The following MOCS3 variants were observed in gnomAD, a reference collection of about 807,000 sequenced individuals.
The protein encoded by MOCS3 is molybdenum cofactor synthesis 3, also known as adenylyltransferase and sulfurtransferase MOCS3.
In MOCS3, 9 loss-of-function variants were observed where a neutral mutation model predicts 8.4. The ratio of observed to expected loss-of-function variants is 1.07; its 90% confidence interval spans 0.65 to 1.87. The LOEUF (loss-of-function observed/expected upper bound fraction) is 1.87. MOCS3 is among the 40% of genes most tolerant of loss of function. The probability of loss-of-function intolerance (pLI) is 0.00; values close to 1 mark genes in which losing one functional copy is unlikely to be tolerated. For missense variants in MOCS3, 581 were observed against 599.7 expected (o/e 0.97, Z 0.33); for synonymous variants, 294 against 272.0 (o/e 1.08, Z -0.80).
rs1339488430 is a variant in MOCS3 at position 50,962,764 on chromosome 20, G to A, written c.*2539G>A. On this transcript the variant is annotated 3_prime_UTR_variant, in exon 1 of 1. Coordinates refer to ENST00000244051, the MANE Select transcript of MOCS3 (RefSeq NM_014484.5). ...GGGGTTTCGCCATGTTGGCCTGGCTGGTCTTGAACTCCTGACCTCAGGTGA... is the reference window on the plus strand; with the variant it reads ...GGGGTTTCGCCATGTTGGCCTGGCTAGTCTTGAACTCCTGACCTCAGGTGA... 1 of 152,196 alleles carries A rather than the reference G, an allele frequency of 6.6e-6. No homozygotes were observed. Among genetic ancestry groups the A allele is most frequent in the Non-Finnish European group, 1.5e-5 (1 of 68,076 alleles). The allele number at this position is 152,196 out of a possible 1,614,324, so 9.4% of individuals were successfully genotyped here.
Position 50,961,373 on chromosome 20 carries a change from TACA to T in MOCS3, c.*1155_*1157del, listed in dbSNP as rs1177651898. 2 of 159,246 alleles carry T rather than the reference TACA, an allele frequency of 1.3e-5. No homozygotes were observed. The highest frequency in any genetic ancestry group is 3.9e-4 in the East Asian group (2 of 5,190). The allele number at this position is 159,246 out of a possible 1,614,324, so 9.9% of individuals were successfully genotyped here. A position where few individuals can be genotyped will look rare whatever the true frequency, so the allele number is the denominator to read the frequency against. On this transcript the variant is annotated 3_prime_UTR_variant, in exon 1 of 1. Transcript: ENST00000244051. Reference sequence around the variant, plus strand: ...GGTAGTCTCACCAACTTCCAATATATACAACAACATTATAAGTAAAAATTTGAT... The same window carrying T: ...GGTAGTCTCACCAACTTCCAATATATACAACATTATAAGTAAAAATTTGAT...
At position 50,958,839 on chromosome 20, in the gene MOCS3, C is replaced by G. The variant is rs562575087; in HGVS notation, c.-4C>G. On this transcript the variant is annotated 5_prime_UTR_variant, in exon 1 of 1. Coordinates refer to ENST00000244051, the MANE Select transcript of MOCS3 (RefSeq NM_014484.5). ...TTTCACGACAACTTCCGGAAGAGGT[C>G]GCCATGGCTTCCCGGGAGGAGGTAC... The G allele has an allele frequency of 1.9e-6, 3 of 1,582,728 alleles. No homozygotes were observed. The highest frequency in any genetic ancestry group is 8.6e-7 in the Non-Finnish European group (1 of 1,159,320).
rs529517115 is a variant in MOCS3 at position 50,959,381 on chromosome 20, C to G, written c.539C>G (p.Ser180Trp). The change falls in exon 1 of 1, where the codon TCG (serine) becomes TGG (tryptophan). Residue 180 changes from serine to tryptophan, a missense_variant. Physicochemically the swap from Ser to Trp is radical, Grantham distance 177 (BLOSUM62 -3). Coordinates refer to ENST00000244051, the MANE Select transcript of MOCS3 (RefSeq NM_014484.5). ...CGATATGATGTGGTGGCTGACTGCT[C>G]GGACAACGTGCCCACTCGCTACCTG... ...VRRYDVVADC[S>W]DNVPTRYLVN... 1 of 1,612,686 alleles carries G rather than the reference C, an allele frequency of 6.2e-7. No individual in the cohort carries two copies. The highest frequency in any genetic ancestry group is 8.5e-7 in the Non-Finnish European group (1 of 1,179,262).
rs1987066779 is a variant in MOCS3, at chr20:50,960,102, A to G, written c.1260A>G (p.Lys420=). 1 of 1,614,248 alleles carries G rather than the reference A, an allele frequency of 6.2e-7. No homozygotes were observed. The highest frequency in any genetic ancestry group is 2.2e-5 in the East Asian group (1 of 44,890). ...GCAAACTGGGAAATGACTCACAGAAAGCCGTGAAGATCCTCCAGTCCTTAT... is the reference window on the plus strand; with the variant it reads ...GCAAACTGGGAAATGACTCACAGAAGGCCGTGAAGATCCTCCAGTCCTTAT... The part of the protein sequence containing the change: ...VICKLGNDSQ[K]AVKILQSLSA... Residue 420 remains lysine (K), a synonymous_variant, in exon 1 of 1, where the codon AAA becomes AAG. Coordinates refer to ENST00000244051, the MANE Select transcript of MOCS3 (RefSeq NM_014484.5).
rs1309266495 is a variant in MOCS3, at chr20:50,959,724, G to T, written c.882G>T (p.Arg294Ser). 6 of 1,614,136 alleles carry T rather than the reference G, an allele frequency of 3.7e-6. No individual in the cohort carries two copies. The African/African-American group carries it at 8.0e-5, about 22-fold the overall frequency. ...GCTCTATTCGGCTGCGGAGCCGCAG[G>T]CTCGACTGTGCAGCTTGCGGGGAAC... ...HFRSIRLRSR[R>S]LDCAACGERP... The change falls in exon 1 of 1, where the codon AGG becomes AGT. Residue 294 changes from arginine to serine, a missense_variant. By Grantham distance (110) the Arg-to-Ser change is moderately radical (BLOSUM62 -1). Transcript: ENST00000244051.
rs760778852 is a variant in MOCS3, at chr20:50,959,504, C to T, written c.662C>T (p.Pro221Leu). The change falls in exon 1 of 1, where the codon CCT becomes CTT. Residue 221 changes from proline to leucine, a missense_variant. Physicochemically the swap from Pro to Leu is moderately conservative, Grantham distance 98. Coordinates refer to ENST00000244051, the MANE Select transcript of MOCS3 (RefSeq NM_014484.5). ...ACAGTCTACCATTATGACGGTGGCC[C>T]TTGCTATCGCTGCATATTCCCCCAA... ...QITVYHYDGGPCYRCIFPQPP... is the reference protein window; with the variant it reads ...QITVYHYDGGLCYRCIFPQPP... The T allele has an allele frequency of 7.4e-6, 12 of 1,614,026 alleles. No individual in the cohort carries two copies.
rs1256851589 is a variant in MOCS3, at chr20:50,959,959, A to T, written c.1117A>T (p.Ile373Phe). The change falls in exon 1 of 1, where the codon ATC (isoleucine) becomes TTC (phenylalanine). Residue 373 changes from isoleucine to phenylalanine, a missense_variant. By Grantham distance (21) the Ile-to-Phe change is conservative. Transcript: ENST00000244051. ...TTGTCGTTTGCCTCATGCCCTACAC[A>T]TCCCTCTGAAACATTTGGAACGCAG... ...DICRLPHALHIPLKHLERRDA... is the reference protein window; with the variant it reads ...DICRLPHALHFPLKHLERRDA... 1 of 1,614,260 alleles carries T rather than the reference A, an allele frequency of 6.2e-7. No individual in the cohort carries two copies. Among genetic ancestry groups the T allele is most frequent in the Admixed American group, 1.7e-5 (1 of 60,034 alleles).
At position 50,959,437 on chromosome 20, in the gene MOCS3, C is replaced by T; in HGVS notation, c.595C>T (p.Pro199Ser). 6.2e-7 allele frequency: 1 copy of T among 1,613,952 alleles called. No homozygotes were observed. The highest frequency in any genetic ancestry group is 1.7e-5 in the Admixed American group (1 of 60,034). The part of the protein sequence containing the change: ...VNDACVLAGR[P>S]LVSASALRFE... ...TGACGCATGTGTGCTGGCGGGTCGGCCCCTCGTGTCTGCCAGTGCCTTGCG... is the reference window on the plus strand; with the variant it reads ...TGACGCATGTGTGCTGGCGGGTCGGTCCCTCGTGTCTGCCAGTGCCTTGCG... The change falls in exon 1 of 1, where the codon CCC becomes TCC. Residue 199 changes from proline to serine, a missense_variant. Transcript: ENST00000244051.
At position 50,960,429 on chromosome 20, in the gene MOCS3, C is replaced by T. The variant is rs907227461; in HGVS notation, c.*204C>T. 7 of 498,120 alleles carry T rather than the reference C, an allele frequency of 1.4e-5. No homozygotes were observed. The highest frequency in any genetic ancestry group is 2.4e-5 in the Non-Finnish European group (7 of 290,238). 30.9% of individuals were successfully genotyped at this position (498,120 alleles called of 1,614,324 possible). On this transcript the variant is annotated 3_prime_UTR_variant, in exon 1 of 1. Transcript: ENST00000244051. The stretch of plus-strand genomic sequence containing the variant: ...AATGGATTATACCGTTTCTGAGAAC[C>T]ATCATTTTTTTTTTCAGCACACGGA...
chr20:50,960,281 A>G lies in MOCS3; in HGVS notation c.*56A>G. ...TGGATTGCCATAATACCTCAAAGAT[A>G]CACTTGTTTGCATTTTTCGGTAATA... On this transcript the variant is annotated 3_prime_UTR_variant, in exon 1 of 1. Coordinates refer to ENST00000244051, the MANE Select transcript of MOCS3 (RefSeq NM_014484.5). The G allele has an allele frequency of 1.3e-6, 2 of 1,513,734 alleles. No individual in the cohort carries two copies. The highest frequency in any genetic ancestry group is 1.8e-6 in the Non-Finnish European group (2 of 1,127,724). The allele number at this position is 1,513,734 out of a possible 1,614,324, so 93.8% of individuals were successfully genotyped here.
rs889035154 is a variant in MOCS3 at position 50,961,543 on chromosome 20, A to G, written c.*1318A>G. 6.6e-6 allele frequency: 1 copy of G among 152,212 alleles called. No homozygotes were observed. The highest frequency in any genetic ancestry group is 2.1e-4 in the South Asian group (1 of 4,838). The allele number at this position is 152,212 out of a possible 1,614,324, so 9.4% of individuals were successfully genotyped here. On this transcript the variant is annotated 3_prime_UTR_variant, in exon 1 of 1. Transcript: ENST00000244051. ...AATGGCAGAAATCACAGATACAACT[A>G]TAAAATCTTTGTATTTCTGTTAACC...
chr20:50,959,280 C>T lies in MOCS3; in HGVS notation c.438C>T (p.Arg146=), dbSNP rs1311296626. 1.2e-6 allele frequency: 2 copies of T among 1,610,068 alleles called. No individual in the cohort carries two copies. The highest frequency in any genetic ancestry group is 1.7e-5 in the Admixed American group (1 of 59,990). The change falls in exon 1 of 1, where the codon CGC becomes CGT. Residue 146 remains arginine (R), a synonymous_variant. Coordinates refer to ENST00000244051, the MANE Select transcript of MOCS3 (RefSeq NM_014484.5). ...CCTTTTCGGCCGCCGCCTCGCTGCG[C>T]CGCCTCAATTCGGCAGTGGAATGCG... The part of the protein sequence containing the change: ...AKAFSAAASL[R]RLNSAVECVP...
At position 50,961,154 on chromosome 20, in the gene MOCS3, A is replaced by G. The variant is rs1987096321; in HGVS notation, c.*929A>G. 6.0e-6 allele frequency: 1 copy of G among 167,132 alleles called. No homozygotes were observed. The highest frequency in any genetic ancestry group is 2.4e-5 in the African/African-American group (1 of 41,476). The allele number at this position is 167,132 out of a possible 1,614,324, so 10.4% of individuals were successfully genotyped here. A position where few individuals can be genotyped will look rare whatever the true frequency, so the allele number is the denominator to read the frequency against. ...AACTTCAGGGTCCACCTTATGTTGC[A>G]CACATATCACATCGTTTAAATTGCA... On this transcript the variant is annotated 3_prime_UTR_variant, in exon 1 of 1. Transcript: ENST00000244051.
Position 50,959,202 on chromosome 20 carries a change from C to T in MOCS3, c.360C>T (p.Ser120=), listed in dbSNP as rs878886835. 3.1e-6 allele frequency: 5 copies of T among 1,612,012 alleles called. No homozygotes were observed. In the South Asian group the frequency reaches 4.4e-5, roughly 14 times the overall value. The change falls in exon 1 of 1, where the codon AGC becomes AGT. Residue 120 remains serine, a synonymous_variant. Transcript: ENST00000244051. ...GLVDYDVVEM[S]NLARQVLHGE... Reference sequence around the variant, plus strand: ...TGGACTATGACGTGGTAGAGATGAGCAACCTGGCCCGCCAAGTGCTGCATG... The same window carrying T: ...TGGACTATGACGTGGTAGAGATGAGTAACCTGGCCCGCCAAGTGCTGCATG...
chr20:50,963,844 G>A lies in MOCS3; in HGVS notation c.*3619G>A, dbSNP rs896507745. 2 of 152,212 alleles carry A rather than the reference G, an allele frequency of 1.3e-5. No individual in the cohort carries two copies. Among genetic ancestry groups the A allele is most frequent in the African/African-American group, 4.8e-5 (2 of 41,456 alleles). 9.4% of individuals were successfully genotyped at this position (152,212 alleles called of 1,614,324 possible). A position where few individuals can be genotyped will look rare whatever the true frequency, so the allele number is the denominator to read the frequency against. On this transcript the variant is annotated 3_prime_UTR_variant, in exon 1 of 1. Coordinates refer to ENST00000244051, the MANE Select transcript of MOCS3 (RefSeq NM_014484.5). ...AAAACTTTGCCATTGCTTCATATGT[G>A]TTCATGCCCTGTCAGGGCATAGAAA...
rs1315768872 is a variant in MOCS3, at chr20:50,963,163, C to G, written c.*2938C>G. On this transcript the variant is annotated 3_prime_UTR_variant, in exon 1 of 1. Transcript: ENST00000244051. ...CTGATCTCAAACTCCTGGGCTCAAGCATCCCTCCTGCCTCAGCCTCCCAAA... is the reference window on the plus strand; with the variant it reads ...CTGATCTCAAACTCCTGGGCTCAAGGATCCCTCCTGCCTCAGCCTCCCAAA... The G allele has an allele frequency of 6.6e-6, 1 of 151,606 alleles. No individual in the cohort carries two copies. The highest frequency in any genetic ancestry group is 2.4e-5 in the African/African-American group (1 of 41,262). 9.4% of individuals were successfully genotyped at this position (151,606 alleles called of 1,614,324 possible). A position where few individuals can be genotyped will look rare whatever the true frequency, so the allele number is the denominator to read the frequency against.
chr20:50,963,924 C>T lies in MOCS3; in HGVS notation c.*3699C>T, dbSNP rs1285414327. 6.6e-6 allele frequency: 1 copy of T among 152,200 alleles called. No homozygotes were observed. The highest frequency in any genetic ancestry group is 1.5e-5 in the Non-Finnish European group (1 of 68,060). 9.4% of individuals were successfully genotyped at this position (152,200 alleles called of 1,614,324 possible). On this transcript the variant is annotated 3_prime_UTR_variant, in exon 1 of 1. Coordinates refer to ENST00000244051, the MANE Select transcript of MOCS3 (RefSeq NM_014484.5). ...GTATTCCAGATACAATAGAAATGTA[C>T]TCTGAGACATTTGGTATGCCTCCTT...
At position 50,962,288 on chromosome 20, in the gene MOCS3, A is replaced by G. The variant is rs1302137330; in HGVS notation, c.*2063A>G. The G allele has an allele frequency of 6.6e-6, 1 of 152,186 alleles. No individual in the cohort carries two copies. The highest frequency in any genetic ancestry group is 2.4e-5 in the African/African-American group (1 of 41,412). 9.4% of individuals were successfully genotyped at this position (152,186 alleles called of 1,614,324 possible). A position where few individuals can be genotyped will look rare whatever the true frequency, so the allele number is the denominator to read the frequency against. On this transcript the variant is annotated 3_prime_UTR_variant, in exon 1 of 1. Transcript: ENST00000244051. ...AAGCCCAACACTTCAGCCACAGTCC[A>G]TGTGTCGAGAAACAGAGTCACTACA... is the stretch of plus-strand genomic sequence containing the variant.
Position 50,958,883 on chromosome 20 carries a change from T to C in MOCS3, c.41T>C (p.Val14Ala). The C allele has an allele frequency of 6.2e-7, 1 of 1,600,882 alleles. No homozygotes were observed. The highest frequency in any genetic ancestry group is 1.7e-4 in the Middle Eastern group (1 of 6,040). Residue 14 changes from valine (V) to alanine (A), a missense_variant, in exon 1 of 1, where the codon GTT (valine) becomes GCT (alanine). Transcript: ENST00000244051. The part of the protein sequence containing the change: ...REEVLALQAE[V>A]AQREEELNSL... ...GAGGTACTCGCCTTACAAGCTGAAG[T>C]TGCCCAACGTGAGGAGGAATTGAAT...
Sources: gnomAD v4.1 joint callset for allele counts on GRCh38, gnomAD v4.1.1 for gene constraint, MANE v1.5 for transcripts, NCBI Gene and HGNC (gene_info 2026-07-23, HGNC 2026-07-21) for gene names.